The following IMPG1 variants were observed in gnomAD, a reference collection of about 807,000 sequenced individuals.
The protein encoded by IMPG1 is interphotoreceptor matrix proteoglycan of 150 kDa.
A neutral mutation model predicts 92.0 loss-of-function variants in IMPG1; 85 were observed. That is an observed-to-expected ratio of 0.92 (90% CI 0.78 to 1.11). The LOEUF is 1.11. Ranked by LOEUF, IMPG1 falls within the 50% of genes least tolerant of loss-of-function variation. IMPG1 has a pLI of 0.00. For synonymous variants in IMPG1, 367 were observed against 334.1 expected (o/e 1.10, Z -1.08); for missense variants, 1,022 against 956.0 (o/e 1.07, Z -0.91).
In IMPG1 at chr6:75,931,533, T is replaced by A. The variant is rs1390058302; in HGVS notation, c.2045-382A>T. Among the ~76,000 whole-genome samples, 3 of 152,098 alleles carry A rather than the reference T, an allele frequency of 2.0e-5. No individual in the cohort carries two copies. The East Asian group carries it at 5.8e-4, about 29-fold the overall frequency. ...TGATGCATCTGGTCTGGGGAGCACA[T>A]TTTGAAAACCACTGCATTAGAGAAT... On this transcript the variant is annotated intron_variant, in intron 14 of 16. Transcript: ENST00000369950.
intron 14 of IMPG1, among the ~76,000 whole-genome samples, chr6:75,931,844 G>A (rs2149450534): frequency 6.6e-6 from 1 of 152,298 alleles, no homozygotes; most frequent in Middle Eastern, 3.4e-3. Flanking sequence ...AAGTGGATTA[G>A]AAATCAAGAG....
intron 1 of IMPG1, among the ~76,000 whole-genome samples, chr6:76,062,941 C>A (rs764610449): frequency 2.6e-5 from 4 of 151,456 alleles, no homozygotes; most frequent in Admixed American, 6.6e-5. Flanking sequence ...GGGTGGCTCA[C>A]GCCTGTAATC....
chr6:75,974,374 T>C (rs1562354580), intron 12 of IMPG1, among the ~76,000 whole-genome samples: 109 of 118,922 alleles, frequency 9.2e-4, no homozygotes, highest in African/African-American at 2.9e-3. Flanking sequence ...TTTCTTTCTT[T>C]CTTTCTTTCT....
At chr6:75,947,683 A>G (rs1326808474) in intron 13 of IMPG1, 150 bp from the exon 14 acceptor site, 1 of 618,708 alleles carries the variant, frequency 1.6e-6, no homozygotes, top group Non-Finnish European at 2.8e-6. Context: ...ATGTGAGACC[A>G]GAATGCCACT....
At chr6:76,046,364 A>G (rs1296814393) in intron 1 of IMPG1, among the ~76,000 whole-genome samples, 1 of 152,180 alleles carries the variant, frequency 6.6e-6, no homozygotes, top group African/African-American at 2.4e-5. Context: ...AACAACCTTT[A>G]AGCCAATAGG....
intron 3 of IMPG1, 32 bp downstream of exon 3, chr6:76,034,589 G>A (rs996102228): frequency 1.2e-5 from 19 of 1,610,192 alleles, no homozygotes; most frequent in Non-Finnish European, 1.6e-5. Flanking sequence ...TTCGTGCAGT[G>A]TTCCAAATAA....
Position 75,975,594 on chromosome 6 carries a change from C to G in IMPG1, c.1292-24500G>C, listed in dbSNP as rs72674551. Among the ~76,000 whole-genome samples, 407 of 152,250 alleles carry G rather than the reference C, an allele frequency of 2.7e-3. 9 individuals are homozygous for G. The East Asian group carries it at 0.065, about 24-fold the overall frequency. On this transcript the variant is annotated intron_variant, in intron 12 of 16. Transcript: ENST00000369950. ...ATAATTCAATGCAAGTGAATTTTGT[C>G]TAATGGAGATGCCATCGATTTTCCT...
Position 76,034,630 on chromosome 6 carries a change from A to G in IMPG1, c.459T>C (p.Leu153=). Residue 153 remains leucine, a synonymous_variant, in exon 3 of 17, where the codon CTT becomes CTC. Coordinates refer to ENST00000369950, the MANE Select transcript of IMPG1 (RefSeq NM_001563.4). The stretch of plus-strand genomic sequence containing the variant: ...TGGTGTTTAGGCTCACCTGCTGGAG[A>G]AGATCCAGGTGCTCCTGGGAATTGC... ...NFSNSQEHLD[L]LQQRIKQRSF... is the part of the protein sequence containing the mutation. 1 of 1,614,132 alleles carries G rather than the reference A, an allele frequency of 6.2e-7. No homozygotes were observed. The highest frequency in any genetic ancestry group is 1.7e-4 in the Middle Eastern group (1 of 6,052).
At chr6:75,926,200 G>A (rs9343331) in intron 15 of IMPG1, among the ~76,000 whole-genome samples, 146,466 of 152,278 alleles carry the variant, frequency 0.96, 70,653 homozygotes, top group East Asian at 1. Flanking sequence ...ATACCTCACT[G>A]TATGTTCCAA....
chr6:75,977,396 T>G (rs1385055271), intron 12 of IMPG1, among the ~76,000 whole-genome samples: 1 of 152,028 alleles, frequency 6.6e-6, no homozygotes, highest in Non-Finnish European at 1.5e-5. Context: ...GCAACCAGCC[T>G]GACTGATATG....
At chr6:76,061,055 T>A (rs1784197181) in intron 1 of IMPG1, among the ~76,000 whole-genome samples, 1 of 152,090 alleles carries the variant, frequency 6.6e-6, no homozygotes, top group African/African-American at 2.4e-5. Context: ...TTCAAGGTGG[T>A]TGCATTCTCA....
chr6:75,923,983 T>C (rs1781477406), intron 15 of IMPG1, among the ~76,000 whole-genome samples: 1 of 152,138 alleles, frequency 6.6e-6, no homozygotes, highest in African/African-American at 2.4e-5. Flanking sequence ...TTCTGAGTTG[T>C]GGTTGCTGAA....
chr6:76,008,107 T>G (rs527972013), intron 8 of IMPG1, among the ~76,000 whole-genome samples: 1 of 152,256 alleles, frequency 6.6e-6, no homozygotes, highest in African/African-American at 2.4e-5. Flanking sequence ...ACTAAACAAT[T>G]TACATGCATT....
intron 1 of IMPG1, among the ~76,000 whole-genome samples, chr6:76,060,240 A>G (rs887746368): frequency 1.3e-5 from 2 of 152,226 alleles, no homozygotes; most frequent in Non-Finnish European, 2.9e-5. Flanking sequence ...GAGTGAATGT[A>G]AATGGGAAAA....
chr6:75,929,754 TA>T (rs199686984), intron 15 of IMPG1, among the ~76,000 whole-genome samples: 2,556 of 147,718 alleles, frequency 0.017, 97 homozygotes, highest in East Asian at 0.16. Context: ...TAAAGTAAAT[TA>T]AAAAAAAAAG....
At chr6:75,935,703 C>A (rs1562339366) in intron 14 of IMPG1, among the ~76,000 whole-genome samples, 1 of 152,162 alleles carries the variant, frequency 6.6e-6, no homozygotes, top group Non-Finnish European at 1.5e-5. Flanking sequence ...GGGGGCCCGC[C>A]ATGCTTTTAG....
Position 75,950,832 on chromosome 6 carries a change from G to A in IMPG1, c.1554C>T (p.His518=). 1 of 1,613,934 alleles carries A rather than the reference G, an allele frequency of 6.2e-7. No individual in the cohort carries two copies. Among genetic ancestry groups the A allele is most frequent in the Non-Finnish European group, 8.5e-7 (1 of 1,179,934 alleles). ...TGTCAGACAGATCCATTTCATCTAG[G>A]TGTCTGACCATATCTTCGCCACCTG... ...SSAGGEDMVR[H]LDEMDLSDTP... Residue 518 remains histidine, a synonymous_variant, in exon 13 of 17, where the codon CAC becomes CAT. Coordinates refer to ENST00000369950, the MANE Select transcript of IMPG1 (RefSeq NM_001563.4).
At chr6:75,937,380 CT>C (rs1439974367) in intron 14 of IMPG1, among the ~76,000 whole-genome samples, 1 of 151,966 alleles carries the variant, frequency 6.6e-6, no homozygotes, top group African/African-American at 2.4e-5. Context: ...TGTGTTGTCA[CT>C]TTTTCTAAAT....
intron 1 of IMPG1, among the ~76,000 whole-genome samples, chr6:76,047,158 T>C (rs1783959058): frequency 1.3e-5 from 2 of 152,204 alleles, no homozygotes; most frequent in African/African-American, 4.8e-5. Flanking sequence ...TTCACTGTGC[T>C]ATTCCTCAGT....
Sources: gnomAD v4.1 joint callset for allele counts (sites outside exome capture counted in the v4.1 genomes callset) on GRCh38, gnomAD v4.1.1 for gene constraint, MANE v1.5 for transcripts, NCBI Gene and HGNC (gene_info 2026-07-23, HGNC 2026-07-21) for gene names.